The following RNF144A variants were observed in gnomAD, a reference collection of about 807,000 sequenced individuals.
RNF144A encodes ring finger protein 144A, also known as E3 ubiquitin-protein ligase RNF144A.
RNF144A carries 11 observed loss-of-function variants against 38.7 expected under a neutral mutation model. The ratio of observed to expected loss-of-function variants is 0.28; its 90% CI spans 0.18 to 0.47. The LOEUF (loss-of-function observed/expected upper bound fraction) is 0.47, where lower values mean the gene tolerates loss of function less well. Ranked by LOEUF, RNF144A falls within the 20% of genes least tolerant of loss-of-function variation. The pLI is 0.99. For synonymous variants in RNF144A, 149 were observed against 143.9 expected (o/e 1.04, Z -0.25); for missense variants, 316 against 377.2 (o/e 0.84, Z 1.34).
rs866249040 is a variant in RNF144A, at chr2:7,043,012, C to T, written c.*3252C>T. ...CCTCCCAAGTAGCTGGGATTACAGG[C>T]ACCCACCACCTCACCCAGCTAATTT... On this transcript the variant is annotated 3_prime_UTR_variant, in exon 9 of 9. Transcript: ENST00000320892. 35 of 454,984 alleles carry T rather than the reference C, an allele frequency of 7.7e-5. No homozygotes were observed. The highest frequency in any genetic ancestry group is 7.0e-4 in the African/African-American group (33 of 46,832). 28.2% of individuals were successfully genotyped at this position (454,984 alleles called of 1,614,324 possible).
At chr2:6,975,794 C>T (rs1399223407) in intron 2 of RNF144A, among the ~76,000 whole-genome samples, 2 of 152,218 alleles carry the variant, frequency 1.3e-5, no homozygotes, top group East Asian at 3.8e-4. Context: ...CCACAGCACT[C>T]TAGCCTGGGT....
chr2:6,994,683 T>TA (rs1335224400), intron 2 of RNF144A, among the ~76,000 whole-genome samples: 1 of 152,216 alleles, frequency 6.6e-6, no homozygotes, highest in Non-Finnish European at 1.5e-5. Flanking sequence ...GATGCTTGTT[T>TA]AAACTATCTT....
At chr2:7,050,647 C>T (rs1409192816) in intron 6 of RNF144A, among the ~76,000 whole-genome samples, 1 of 152,170 alleles carries the variant, frequency 6.6e-6, no homozygotes, top group Non-Finnish European at 1.5e-5. Flanking sequence ...CTTCCTGTGT[C>T]GTTAAATCCA....
At chr2:7,008,251 A>G (rs1045382341) in intron 3 of RNF144A, among the ~76,000 whole-genome samples, 3 of 152,206 alleles carry the variant, frequency 2.0e-5, no homozygotes, top group Non-Finnish European at 4.4e-5. Context: ...CCTTTTTGGC[A>G]GCGGGTGCGT....
At chr2:6,991,828 A>G (rs1343481815) in intron 2 of RNF144A, among the ~76,000 whole-genome samples, 4 of 152,128 alleles carry the variant, frequency 2.6e-5, no homozygotes, top group Admixed American at 2.6e-4. Context: ...AAATACATAT[A>G]TATATGTATA....
chr2:7,052,877 A>C (rs1673585398), intron 6 of RNF144A, among the ~76,000 whole-genome samples: 1 of 147,952 alleles, frequency 6.8e-6, no homozygotes, highest in Admixed American at 6.7e-5. Flanking sequence ...TGCATATGTA[A>C]TATTTAGGCA....
intron 2 of RNF144A, among the ~76,000 whole-genome samples, chr2:6,982,470 C>A (rs989308432): frequency 6.6e-6 from 1 of 152,128 alleles, no homozygotes; most frequent in Non-Finnish European, 1.5e-5. Flanking sequence ...TCCTAGATAA[C>A]TAGGCAATAA....
intron 8 of RNF144A, among the ~76,000 whole-genome samples, chr2:7,032,446 G>A (rs1006853524): frequency 6.6e-6 from 1 of 152,258 alleles, no homozygotes; most frequent in Non-Finnish European, 1.5e-5. Context: ...CAGAACAGCA[G>A]AAATGTATTG....
At chr2:6,990,724 C>T (rs540860545) in intron 2 of RNF144A, among the ~76,000 whole-genome samples, 1 of 152,188 alleles carries the variant, frequency 6.6e-6, no homozygotes, top group East Asian at 1.9e-4. Context: ...AGGTTTCACT[C>T]ACCCTTGGTG....
chr2:7,073,834 C>T, the RNF144A span, among the ~76,000 whole-genome samples: 2 of 152,256 alleles, frequency 1.3e-5, no homozygotes, highest in Non-Finnish European at 2.9e-5. Context: ...GCTAGCTCTT[C>T]AACCCAGGCC....
chr2:6,926,636 T>G (rs1175925342), intron 1 of RNF144A, among the ~76,000 whole-genome samples: 5 of 152,216 alleles, frequency 3.3e-5, no homozygotes, highest in African/African-American at 1.2e-4. Flanking sequence ...CTGTCCTGGT[T>G]GTCTTTGTAC....
In RNF144A at chr2:7,001,341, TAAATA is replaced by T. The variant is rs527981509; in HGVS notation, c.135+4295_135+4299del. On this transcript the variant is annotated intron_variant, in intron 3 of 8. Coordinates refer to ENST00000320892, the MANE Select transcript of RNF144A (RefSeq NM_014746.6). ...AAACAAAAGTGAAACTCCATCTCAA[TAAATA>T]AAATAAAATAAAATTAAAATAAATA... is the stretch of plus-strand genomic sequence containing the variant. 8.5e-3 allele frequency among the ~76,000 whole-genome samples: 1,278 copies of T among 149,750 alleles called. 25 individuals carry two copies. Among genetic ancestry groups the T allele is most frequent in the African/African-American group, 0.03 (1,219 of 40,814 alleles).
chr2:6,990,537 G>GTA (rs1304719918), intron 2 of RNF144A, among the ~76,000 whole-genome samples: 6 of 109,854 alleles, frequency 5.5e-5, no homozygotes, highest in Admixed American at 1.1e-4. Flanking sequence ...ATATTGCTAT[G>GTA]TATATATATA....
At chr2:7,064,728 C>T (rs1157638515) in intron 6 of RNF144A, among the ~76,000 whole-genome samples, 1 of 152,138 alleles carries the variant, frequency 6.6e-6, no homozygotes, top group Non-Finnish European at 1.5e-5. Flanking sequence ...TGAAGTTGTC[C>T]AGAGGTAGGG....
chr2:7,025,148 A>G (rs1037687362), intron 7 of RNF144A, among the ~76,000 whole-genome samples: 1 of 152,168 alleles, frequency 6.6e-6, no homozygotes, highest in Admixed American at 6.5e-5. Flanking sequence ...GCTCTGCTTC[A>G]GTGTTTCTCA....
intron 1 of RNF144A, among the ~76,000 whole-genome samples, chr2:6,920,461 C>G (rs893155946): frequency 2.6e-5 from 4 of 152,188 alleles, no homozygotes; most frequent in African/African-American, 9.7e-5. Flanking sequence ...ACCTCACTTG[C>G]AATAGAAGAG....
intron 6 of RNF144A, among the ~76,000 whole-genome samples, chr2:7,063,990 G>C (rs1427375259): frequency 1.3e-5 from 2 of 152,192 alleles, no homozygotes; most frequent in Non-Finnish European, 2.9e-5. Context: ...GGGTACCCAT[G>C]GTGGAAAGTG....
At chr2:7,010,875 G>A (rs1036500072) in intron 3 of RNF144A, among the ~76,000 whole-genome samples, 9 of 151,942 alleles carry the variant, frequency 5.9e-5, no homozygotes, top group South Asian at 2.1e-4. Flanking sequence ...ATGAGAGCAC[G>A]GAGCACAGTG....
chr2:7,047,187 A>G (rs1673339349), downstream of RNF144A, among the ~76,000 whole-genome samples: 1 of 152,180 alleles, frequency 6.6e-6, no homozygotes, highest in Non-Finnish European at 1.5e-5. Context: ...CTGTCAGATA[A>G]AGGAATTAAA....
Sources: allele counts gnomAD v4.1 joint callset (sites outside exome capture counted in the v4.1 genomes callset), GRCh38; gene constraint gnomAD v4.1.1; transcripts MANE v1.5; gene names NCBI Gene and HGNC (gene_info 2026-07-23, HGNC 2026-07-21).